RBM27: variants seen among roughly 807,000 people sequenced by gnomAD.
The protein encoded by RBM27 is RNA binding motif protein 27.
A neutral mutation model predicts 135.3 loss-of-function variants in RBM27; 22 were observed. That is an observed-to-expected ratio of 0.16 (90% CI 0.12 to 0.23). RBM27 has a LOEUF of 0.23. Ranked by LOEUF, RBM27 falls within the 10% of genes least tolerant of loss-of-function variation. The pLI, the probability that RBM27 is intolerant of heterozygous loss-of-function variation, is 1.00. For synonymous variants in RBM27, 481 were observed against 442.4 expected, an observed-to-expected ratio of 1.09 and a Z score of -1.10; for missense variants, 1,009 against 1,281.0, an observed-to-expected ratio of 0.79 and a Z score of 3.24.
intron 14 of RBM27, 25 bp from the exon 15 acceptor site, chr5:146,267,624 C>CT (rs55635431): frequency 0.061 from 60,153 of 992,368 alleles, no homozygotes; most frequent in Non-Finnish European, 0.066. Flanking sequence ...TTTGTGTGTG[C>CT]TTTTTTTTTT....
At chr5:146,285,298 G>A (rs1412879233) in intron 20 of RBM27, among the ~76,000 whole-genome samples, 1 of 152,012 alleles carries the variant, frequency 6.6e-6, no homozygotes, top group Non-Finnish European at 1.5e-5. Context: ...TATATTGCGA[G>A]GTTTTCCTGA....
intron 19 of RBM27, among the ~76,000 whole-genome samples, chr5:146,272,467 C>T (rs1561565356): frequency 6.6e-6 from 1 of 152,140 alleles, no homozygotes; most frequent in Non-Finnish European, 1.5e-5. Flanking sequence ...TCTGTAATCC[C>T]AGCACTCTGG....
intron 7 of RBM27, among the ~76,000 whole-genome samples, chr5:146,236,496 C>T (rs1243626430): frequency 1.3e-5 from 2 of 152,160 alleles, no homozygotes; most frequent in Non-Finnish European, 1.5e-5. Context: ...TCTTCTAGAA[C>T]AAGTAATGTT....
intron 1 of RBM27, among the ~76,000 whole-genome samples, chr5:146,216,652 ACTTT>A (rs1414046785): frequency 6.6e-6 from 1 of 152,116 alleles, no homozygotes; most frequent in Admixed American, 6.6e-5. Context: ...AAAAATCTTT[ACTTT>A]CTTTTATTTT....
chr5:146,239,637 C>T (rs1009795562), intron 8 of RBM27, among the ~76,000 whole-genome samples: 46 of 151,620 alleles, frequency 3.0e-4, no homozygotes, highest in African/African-American at 1.0e-3. Flanking sequence ...ATCACTATAC[C>T]CAGCTAATCT....
chr5:146,259,172 T>TG (rs1758252907), intron 11 of RBM27, among the ~76,000 whole-genome samples: 3 of 150,212 alleles, frequency 2.0e-5, no homozygotes, highest in South Asian at 4.2e-4. Context: ...AAATCAACGG[T>TG]GAAAAAAAAA....
At chr5:146,248,680 G>A (rs1463484337) in intron 8 of RBM27, among the ~76,000 whole-genome samples, 3 of 152,186 alleles carry the variant, frequency 2.0e-5, no homozygotes, top group African/African-American at 4.8e-5. Flanking sequence ...TGCCCAGCCT[G>A]GTCTCAAATT....
intron 8 of RBM27, among the ~76,000 whole-genome samples, chr5:146,243,942 A>T (rs868781777): frequency 6.6e-6 from 1 of 152,188 alleles, no homozygotes. Context: ...AGAAATGGTC[A>T]TCTAAGAATC....
At position 146,233,637 on chromosome 5, in the gene RBM27, TCCAGGC is replaced by T; in HGVS notation, c.1047_1052del (p.Pro357_Gly358del). ...GTCCAGGCCCAGGCCCGGGCCCAGG[TCCAGGC>T]CCAGGCCCGGGCCCAGGTCCAGGTC... On this transcript the variant is annotated inframe_deletion, in exon 7 of 21. Transcript: ENST00000265271. The T allele has an allele frequency of 6.3e-7, 1 of 1,589,742 alleles. No individual in the cohort carries two copies. Among genetic ancestry groups the T allele is most frequent in the Non-Finnish European group, 8.5e-7 (1 of 1,170,778 alleles).
intron 8 of RBM27, among the ~76,000 whole-genome samples, chr5:146,237,957 G>A (rs1180635945): frequency 1.3e-5 from 2 of 152,190 alleles, no homozygotes; most frequent in African/African-American, 2.4e-5. Context: ...CAAAATGCTG[G>A]GATTATAGGT....
At chr5:146,248,264 G>T (rs1757719912) in intron 8 of RBM27, among the ~76,000 whole-genome samples, 4 of 138,502 alleles carry the variant, frequency 2.9e-5, no homozygotes, top group African/African-American at 2.7e-5. Context: ...TTTTTGACAT[G>T]CCAGTTTTTG....
intron 11 of RBM27, 71 bp from the exon 12 acceptor site, chr5:146,260,674 C>T: frequency 7.5e-7 from 1 of 1,334,160 alleles, no homozygotes; most frequent in Non-Finnish European, 1.0e-6. Context: ...AACCTAAATT[C>T]TTTGTGGTTA....
rs1190424127 is a variant in RBM27 at position 146,207,980 on chromosome 5, G to A, written c.59+4156G>A. Among the ~76,000 whole-genome samples the A allele has an allele frequency of 6.7e-5, 6 of 88,898 alleles. No individual in the cohort carries two copies. In the East Asian group the frequency reaches 1.4e-3, roughly 21 times the overall value. 58.3% of individuals were successfully genotyped at this position (88,898 alleles called of 152,430 possible). On this transcript the variant is annotated intron_variant, in intron 1 of 20. Coordinates refer to ENST00000265271, the MANE Select transcript of RBM27 (RefSeq NM_018989.2). ...TTTTTTTTTTTTTTTTTTTTAAGAC[G>A]GAGTCTTGCTCTGTTGCCCAGGCTG...
intron 3 of RBM27, among the ~76,000 whole-genome samples, chr5:146,227,813 G>A (rs745798102): frequency 3.9e-5 from 6 of 152,236 alleles, no homozygotes; most frequent in South Asian, 2.1e-4. Context: ...TTGACGGTTA[G>A]GCTTTAAGAG....
intron 10 of RBM27, among the ~76,000 whole-genome samples, chr5:146,256,550 C>G (rs989846289): frequency 6.6e-6 from 1 of 151,770 alleles, no homozygotes; most frequent in Non-Finnish European, 1.5e-5. Flanking sequence ...GAGGTTTCAC[C>G]ATATTGGTCA....
intron 8 of RBM27, among the ~76,000 whole-genome samples, chr5:146,245,919 G>A (rs1010613495): frequency 6.6e-6 from 1 of 152,042 alleles, no homozygotes; most frequent in Non-Finnish European, 1.5e-5. Context: ...AAAAGCTTGG[G>A]GACTGCTGGT....
intron 8 of RBM27, among the ~76,000 whole-genome samples, chr5:146,251,432 T>C (rs796841403): frequency 9.2e-5 from 14 of 152,350 alleles, no homozygotes; most frequent in African/African-American, 3.4e-4. Context: ...CAGCTTTAGA[T>C]AAAATTAGCA....
chr5:146,264,006 C>T (rs1325543773), intron 14 of RBM27, among the ~76,000 whole-genome samples: 1 of 150,060 alleles, frequency 6.7e-6, no homozygotes, highest in Non-Finnish European at 1.5e-5. Flanking sequence ...ACCCGGGAGG[C>T]TGAGGCACGA....
chr5:146,206,341 G>A (rs1435287313), intron 1 of RBM27, among the ~76,000 whole-genome samples: 3 of 137,294 alleles, frequency 2.2e-5, no homozygotes, highest in Non-Finnish European at 4.7e-5. Flanking sequence ...AGGTTAGTCT[G>A]GGTGGGAGCT....
Sources: allele counts gnomAD v4.1 joint callset (sites outside exome capture counted in the v4.1 genomes callset), GRCh38; gene constraint gnomAD v4.1.1; transcripts MANE v1.5; gene names NCBI Gene and HGNC (gene_info 2026-07-23, HGNC 2026-07-21).